Variants in NAA11 observed in about 807,000 individuals in gnomAD.
NAA11 encodes the protein N-alpha-acetyltransferase 11.
NAA11 carries 15 observed loss-of-function variants against 16.1 expected under a neutral mutation model. That is an observed-to-expected ratio of 0.93 (90% CI 0.62 to 1.44). NAA11 has a LOEUF of 1.44. Among genes scored for constraint, NAA11 ranks in the 40% most tolerant of loss-of-function variants. NAA11 has a pLI of 0.00. For missense variants in NAA11, 298 were observed against 291.3 expected, an observed-to-expected ratio of 1.02 and a Z score of -0.17; for synonymous variants, 122 against 112.4, an observed-to-expected ratio of 1.09 and a Z score of -0.54.
At chr4:79,175,743 T>TAAAAAAA in the NAA11 span, among the ~76,000 whole-genome samples, 2 of 123,502 alleles carry the variant, frequency 1.6e-5, no homozygotes, top group Admixed American at 8.1e-5. Context: ...GTAATCACTG[T>TAAAAAAA]AAAAAAAAAA....
the NAA11 span, among the ~76,000 whole-genome samples, chr4:79,178,292 G>A: frequency 0.98 from 148,830 of 152,298 alleles, 72,812 homozygotes; most frequent in East Asian, 1. Context: ...GGAAAACGGC[G>A]AACAATATTT....
At chr4:79,307,579 A>G (rs1363555059) in intron 1 of NAA11, among the ~76,000 whole-genome samples, 1 of 152,154 alleles carries the variant, frequency 6.6e-6, no homozygotes, top group Admixed American at 6.6e-5. Flanking sequence ...CTCTTCTTTT[A>G]TAATAAATCA....
intron 2 of NAA11, among the ~76,000 whole-genome samples, chr4:79,254,007 T>C (rs891958809): frequency 6.6e-6 from 1 of 152,222 alleles, no homozygotes; most frequent in Non-Finnish European, 1.5e-5. Flanking sequence ...CAGGGCATGC[T>C]CTGCCTCACA....
intron 2 of NAA11, among the ~76,000 whole-genome samples, chr4:79,241,405 G>A (rs940354236): frequency 2.0e-5 from 3 of 152,180 alleles, no homozygotes; most frequent in African/African-American, 7.2e-5. Context: ...GGAAGTTAAA[G>A]GTTAGAGTCG....
chr4:79,199,441 G>C, the NAA11 span, among the ~76,000 whole-genome samples: 1 of 151,768 alleles, frequency 6.6e-6, no homozygotes, highest in East Asian at 1.9e-4. Flanking sequence ...GCTCATTATG[G>C]CATCAGAAGG....
chr4:79,167,533 G>T, the NAA11 span, among the ~76,000 whole-genome samples: 177 of 152,020 alleles, frequency 1.2e-3, 1 homozygote, highest in Non-Finnish European at 1.9e-3. Flanking sequence ...TGAAGTGCTC[G>T]ATCAGTACCC....
intron 1 of NAA11, among the ~76,000 whole-genome samples, chr4:79,321,247 A>G (rs1479529291): frequency 6.6e-6 from 1 of 152,172 alleles, no homozygotes; most frequent in Non-Finnish European, 1.5e-5. Flanking sequence ...AAACTTCTCA[A>G]AGTCCAGAGC....
At chr4:79,188,145 T>G in the NAA11 span, among the ~76,000 whole-genome samples, 1 of 152,132 alleles carries the variant, frequency 6.6e-6, no homozygotes. Flanking sequence ...TTTCCTCTTT[T>G]GTTTATCTAA....
At chr4:79,204,928 T>C in the NAA11 span, among the ~76,000 whole-genome samples, 14,309 of 147,876 alleles carry the variant, frequency 0.097, 809 homozygotes, top group African/African-American at 0.14. Context: ...ATGGTGTGTA[T>C]ACACACACAC....
At chr4:79,292,049 A>G (rs1723098625) in intron 2 of NAA11, among the ~76,000 whole-genome samples, 7 of 152,170 alleles carry the variant, frequency 4.6e-5, no homozygotes. Flanking sequence ...AACTGTGAAA[A>G]CAGAATAAAT....
the NAA11 span, among the ~76,000 whole-genome samples, chr4:79,191,432 G>A: frequency 6.6e-6 from 1 of 151,910 alleles, no homozygotes; most frequent in Non-Finnish European, 1.5e-5. Context: ...AATGATCAGT[G>A]ATATTGAGCT....
At chr4:79,174,264 T>G in the NAA11 span, among the ~76,000 whole-genome samples, 9 of 152,284 alleles carry the variant, frequency 5.9e-5, no homozygotes, top group East Asian at 1.7e-3. Context: ...TCTCTGAGAA[T>G]TAGACATTTT....
At chr4:79,294,867 CCTT>C (rs1364621691) in intron 1 of NAA11, among the ~76,000 whole-genome samples, 2 of 152,054 alleles carry the variant, frequency 1.3e-5, no homozygotes, top group Non-Finnish European at 2.9e-5. Context: ...GAAGGAAAAA[CCTT>C]CTTATTGCCT....
At chr4:79,299,176 C>G (rs1351497690) in intron 1 of NAA11, 1 of 152,182 alleles carries the variant, frequency 6.6e-6, no homozygotes, top group Non-Finnish European at 1.5e-5. Flanking sequence ...AATCACTAAA[C>G]TTTAGAGCAG....
chr4:79,194,276 G>A, the NAA11 span, among the ~76,000 whole-genome samples: 1 of 152,102 alleles, frequency 6.6e-6, no homozygotes, highest in East Asian at 1.9e-4. Flanking sequence ...CCATTTTAAT[G>A]ATATTGATTA....
At chr4:79,247,541 G>T (rs935738281) in intron 2 of NAA11, among the ~76,000 whole-genome samples, 6 of 152,096 alleles carry the variant, frequency 3.9e-5, no homozygotes, top group African/African-American at 1.4e-4. Context: ...AGAGACCTTA[G>T]GCTTGGAGGC....
chr4:79,231,787 A>G (rs1376356915), intron 2 of NAA11, among the ~76,000 whole-genome samples: 1 of 151,840 alleles, frequency 6.6e-6, no homozygotes, highest in Non-Finnish European at 1.5e-5. Context: ...CCACCAGTTT[A>G]CAGGAAATAC....
the NAA11 span, among the ~76,000 whole-genome samples, chr4:79,176,227 G>A: frequency 6.6e-6 from 1 of 152,164 alleles, no homozygotes; most frequent in Admixed American, 6.6e-5. Flanking sequence ...CTATTACAAA[G>A]TGATATGCAG....
chr4:79,297,441 C>G (rs1040872496), intron 1 of NAA11, among the ~76,000 whole-genome samples: 1 of 152,170 alleles, frequency 6.6e-6, no homozygotes, highest in African/African-American at 2.4e-5. Flanking sequence ...GCTCCGCCCT[C>G]CCAAACGTAG....
Sources: allele counts gnomAD v4.1 joint callset (sites outside exome capture counted in the v4.1 genomes callset), GRCh38; gene constraint gnomAD v4.1.1; transcripts MANE v1.5; gene names NCBI Gene and HGNC (gene_info 2026-07-23, HGNC 2026-07-21).